DMD: variants seen among roughly 807,000 people sequenced by gnomAD.
The protein encoded by DMD is dystrophin.
DMD carries 63 observed loss-of-function variants against 330.1 expected under a neutral mutation model. The ratio of observed to expected loss-of-function variants is 0.19; its 90% CI spans 0.16 to 0.24. The LOEUF is 0.24. DMD is among the 10% of genes least tolerant of loss of function. The probability of loss-of-function intolerance (pLI) is 1.00; values close to 1 mark genes in which losing one functional copy is unlikely to be tolerated. For synonymous variants in DMD, 1,223 were observed against 959.8 expected (o/e 1.27, Z -5.07); for missense variants, 3,344 against 2,684.1 (o/e 1.25, Z -5.43).
chrX:32,951,210 T>C (rs2091227208), intron 2 of DMD, among the ~76,000 whole-genome samples: 1 of 111,575 alleles, frequency 9.0e-6, no homozygotes, highest in Non-Finnish European at 1.9e-5. Context: ...ATACAGAGAG[T>C]GGCCAAACCA....
chrX:33,139,160 T>C (rs1454791840), intron 1 of DMD, among the ~76,000 whole-genome samples: 12 of 110,509 alleles, frequency 1.1e-4, no homozygotes, highest in Admixed American at 9.8e-4. Flanking sequence ...ATGAGCCAGA[T>C]GTGGTGGCGC....
chrX:32,734,016 G>A (rs1380225629), intron 7 of DMD, among the ~76,000 whole-genome samples: 1 of 106,777 alleles, frequency 9.4e-6, no homozygotes, highest in Non-Finnish European at 1.9e-5. Flanking sequence ...TAGACTGCTA[G>A]CAAGACTAAT....
intron 9 of DMD, among the ~76,000 whole-genome samples, chrX:32,656,919 C>T (rs5972637): frequency 0.11 from 12,519 of 110,709 alleles, 1,653 homozygotes; most frequent in African/African-American, 0.38. Context: ...TTCATAGTTT[C>T]AAATATATGT....
intron 47 of DMD, among the ~76,000 whole-genome samples, chrX:31,921,727 G>A (rs980931813): frequency 1.8e-5 from 2 of 112,117 alleles, no homozygotes; most frequent in African/African-American, 6.5e-5. Context: ...ACCACAACCT[G>A]GGGAAGTGTC....
At chrX:31,482,159 C>T (rs1158168430) in intron 57 of DMD, among the ~76,000 whole-genome samples, 1 of 107,302 alleles carries the variant, frequency 9.3e-6, no homozygotes, top group Non-Finnish European at 1.9e-5. Flanking sequence ...TGATTCAGAA[C>T]CCCTCATGCT....
chrX:32,323,908 C>G (rs2097635389), intron 41 of DMD, among the ~76,000 whole-genome samples: 2 of 111,263 alleles, frequency 1.8e-5, no homozygotes, highest in Middle Eastern at 4.7e-3. Flanking sequence ...GATGAACTAT[C>G]TATCATTTTT....
At chrX:31,191,501 C>T (rs946376223) in intron 67 of DMD, among the ~76,000 whole-genome samples, 1 of 110,615 alleles carries the variant, frequency 9.0e-6, no homozygotes, top group African/African-American at 3.3e-5. Context: ...AGGTGATTGA[C>T]TTATGGGGGT....
intron 9 of DMD, among the ~76,000 whole-genome samples, chrX:32,677,229 G>T (rs1006326971): frequency 9.0e-6 from 1 of 110,908 alleles, no homozygotes; most frequent in Non-Finnish European, 1.9e-5. Context: ...TCACAATGTT[G>T]TCTTAGCTAC....
At chrX:33,330,898 A>G (rs1019877542) in intron 1 of DMD, among the ~76,000 whole-genome samples, 1 of 111,475 alleles carries the variant, frequency 9.0e-6, no homozygotes, top group Non-Finnish European at 1.9e-5. Flanking sequence ...AACTCCGGAA[A>G]CCTCTAGCTC....
chrX:32,220,189 A>G (rs985415293), intron 43 of DMD, among the ~76,000 whole-genome samples: 1 of 111,283 alleles, frequency 9.0e-6, no homozygotes, highest in African/African-American at 3.3e-5. Context: ...TATCGGTAGC[A>G]TATTTCTGAA....
At chrX:33,106,220 G>C (rs2095286630) in intron 1 of DMD, among the ~76,000 whole-genome samples, 1 of 110,488 alleles carries the variant, frequency 9.1e-6, no homozygotes, top group Admixed American at 9.8e-5. Context: ...CTTATAATGG[G>C]AACTAACTTA....
At chrX:31,896,968 T>C (rs1329703163) in intron 47 of DMD, among the ~76,000 whole-genome samples, 1 of 109,884 alleles carries the variant, frequency 9.1e-6, no homozygotes, top group Non-Finnish European at 1.9e-5. Flanking sequence ...CATGTGCACA[T>C]TGTGCAGGTT....
chrX:33,125,440 G>A (rs146791367), intron 1 of DMD, among the ~76,000 whole-genome samples: 1,974 of 111,093 alleles, frequency 0.018, 50 homozygotes, highest in African/African-American at 0.061. Context: ...ATCCTTAAAG[G>A]CATGTTCACC....
chrX:31,288,233 T>C (rs749246439), intron 62 of DMD, among the ~76,000 whole-genome samples: 5 of 111,296 alleles, frequency 4.5e-5, no homozygotes, highest in Non-Finnish European at 9.4e-5. Context: ...CGGAAATCAA[T>C]TGGGAAATAG....
rs897765890 is a variant in DMD, at chrX:32,663,614, A to T, written c.961-18462T>A. ...ACAAATATTTATTAAGCAACTACAAAGGACCAGGCACTATTTTAGGCAATG... is the reference window on the plus strand; with the variant it reads ...ACAAATATTTATTAAGCAACTACAATGGACCAGGCACTATTTTAGGCAATG... On this transcript the variant is annotated intron_variant, in intron 9 of 78. Transcript: ENST00000357033. Among the ~76,000 whole-genome samples, 3 of 111,626 alleles carry T rather than the reference A, an allele frequency of 2.7e-5. No individual in the cohort carries two copies. In the Admixed American group the frequency reaches 2.9e-4, roughly 11 times the overall value.
intron 16 of DMD, among the ~76,000 whole-genome samples, chrX:32,545,875 T>C (rs2048920236): frequency 9.0e-6 from 1 of 110,929 alleles, no homozygotes; most frequent in Non-Finnish European, 1.9e-5. Context: ...CTTTTAAAAT[T>C]ACAATAAAAG....
upstream of DMD, among the ~76,000 whole-genome samples, chrX:33,213,861 C>A (rs768506944): frequency 2.3e-4 from 26 of 111,151 alleles, no homozygotes; most frequent in East Asian, 3.1e-3. Context: ...CCTCAACCTC[C>A]ACAAATAAAC....
intron 1 of DMD, among the ~76,000 whole-genome samples, chrX:33,144,564 G>A (rs1005161244): frequency 3.6e-5 from 4 of 110,950 alleles, no homozygotes; most frequent in African/African-American, 9.8e-5. Context: ...CAACTCTTAC[G>A]TACCCACAAT....
At chrX:31,451,926 G>A (rs746888414) in intron 59 of DMD, among the ~76,000 whole-genome samples, 2 of 109,444 alleles carry the variant, frequency 1.8e-5, no homozygotes, top group African/African-American at 6.7e-5. Flanking sequence ...GTTTCTTTTC[G>A]TTGTCTCCTT....
Sources: allele counts gnomAD v4.1 joint callset (sites outside exome capture counted in the v4.1 genomes callset), GRCh38; gene constraint gnomAD v4.1.1; transcripts MANE v1.5; gene names NCBI Gene and HGNC (gene_info 2026-07-23, HGNC 2026-07-21).